ZNF701: variants seen among roughly 807,000 people sequenced by gnomAD.
ZNF701 encodes zinc finger protein 701.
In ZNF701, 6 loss-of-function variants were observed where a neutral mutation model predicts 7.1. That is an observed-to-expected ratio of 0.84 (90% CI 0.46 to 1.66). The LOEUF (loss-of-function observed/expected upper bound fraction) is 1.66. ZNF701 is among the 40% of genes most tolerant of loss of function. ZNF701 has a pLI of 0.01. For synonymous variants in ZNF701, 166 were observed against 188.2 expected, an observed-to-expected ratio of 0.88 and a Z score of 0.97; for missense variants, 541 against 559.2, an observed-to-expected ratio of 0.97 and a Z score of 0.33.
downstream of ZNF701, among the ~76,000 whole-genome samples, chr19:52,590,987 G>A (rs1266660982): frequency 6.6e-6 from 1 of 151,804 alleles, no homozygotes; most frequent in African/African-American, 2.4e-5. Context: ...CTACAGGCAC[G>A]CACCACCATG....
intron 3 of ZNF701, among the ~76,000 whole-genome samples, chr19:52,576,817 G>C (rs1257392471): frequency 6.6e-6 from 1 of 152,124 alleles, no homozygotes; most frequent in African/African-American, 2.4e-5. Flanking sequence ...TTTATAAGCA[G>C]GAGTCTCATG....
At position 52,582,467 on chromosome 19, in the gene ZNF701, T is replaced by C; in HGVS notation, c.408T>C (p.Ile136=). ...HDQRHAGNKP[I]KNELGSSFHS... is the part of the protein sequence containing the mutation. ...AAAGGCATGCTGGAAACAAACCTAT[T>C]AAAAATGAGCTTGGATCAAGCTTTC... Residue 136 remains isoleucine, a synonymous_variant, in exon 4 of 4, where the codon ATT becomes ATC. Transcript: ENST00000391785. The C allele has an allele frequency of 6.2e-7, 1 of 1,614,204 alleles. No individual in the cohort carries two copies. Among genetic ancestry groups the C allele is most frequent in the Non-Finnish European group, 8.5e-7 (1 of 1,180,036 alleles).
At chr19:52,589,751 T>C (rs1226521113), downstream of ZNF701, among the ~76,000 whole-genome samples, 2 of 152,196 alleles carry the variant, frequency 1.3e-5, no homozygotes, top group Admixed American at 6.6e-5. Context: ...AACAGGCTTT[T>C]CTATTCCTTT....
downstream of ZNF701, chr19:52,588,666 C>A: frequency 3.1e-6 from 1 of 323,020 alleles, no homozygotes; most frequent in South Asian, 3.3e-5. Flanking sequence ...TCTTAAATAC[C>A]AGGTATTGTG....
At position 52,582,684 on chromosome 19, in the gene ZNF701, C is replaced by A. The variant is rs1222469886; in HGVS notation, c.625C>A (p.His209Asn). ...SSLLTQKREV[H>N]TREKSFQRNE... Reference sequence around the variant, plus strand: ...ATTACTCACACAAAAACGGGAAGTACACACAAGAGAAAAATCTTTCCAACG... The same window carrying A: ...ATTACTCACACAAAAACGGGAAGTAAACACAAGAGAAAAATCTTTCCAACG... The change falls in exon 4 of 4, where the codon CAC becomes AAC. Residue 209 changes from histidine to asparagine, a missense_variant. By Grantham distance (68) the His-to-Asn change is moderately conservative. Coordinates refer to ENST00000391785, the MANE Select transcript of ZNF701 (RefSeq NM_018260.3). The A allele has an allele frequency of 6.2e-6, 10 of 1,614,080 alleles. No individual in the cohort carries two copies. The highest frequency in any genetic ancestry group is 8.5e-6 in the Non-Finnish European group (10 of 1,180,008).
In ZNF701 at chr19:52,584,945, G is replaced by A. The variant is rs1052295065; in HGVS notation, c.*1488G>A. On this transcript the variant is annotated 3_prime_UTR_variant, in exon 4 of 4. Coordinates refer to ENST00000391785, the MANE Select transcript of ZNF701 (RefSeq NM_018260.3). ...ATTGGCACAGACCCGGAAGCTGATG[G>A]CATGGACTGAAGGTTGCCCCGTTGA... The A allele has an allele frequency of 6.6e-6, 1 of 152,296 alleles. No individual in the cohort carries two copies. The highest frequency in any genetic ancestry group is 2.4e-5 in the African/African-American group (1 of 41,480). The allele number at this position is 152,296 out of a possible 1,614,324, so 9.4% of individuals were successfully genotyped here. A position where few individuals can be genotyped will look rare whatever the true frequency, so the allele number is the denominator to read the frequency against.
chr19:52,580,940 A>G (rs1452327419), intron 3 of ZNF701, among the ~76,000 whole-genome samples: 1 of 79,766 alleles, frequency 1.3e-5, no homozygotes, highest in African/African-American at 2.9e-5. Flanking sequence ...CCTGGCCAAT[A>G]TGGTGAAACC....
chr19:52,586,154 A>C lies in ZNF701; in HGVS notation c.*2697A>C, dbSNP rs2060010387. The C allele has an allele frequency of 2.0e-5, 3 of 152,010 alleles. No individual in the cohort carries two copies. The highest frequency in any genetic ancestry group is 4.4e-5 in the Non-Finnish European group (3 of 68,226). 9.4% of individuals were successfully genotyped at this position (152,010 alleles called of 1,614,324 possible). ...CCTCCTGGGCTCAAGGGATCCTCCCACCTCAGCCTGCAGAGTAGCTGGGAC... is the reference window on the plus strand; with the variant it reads ...CCTCCTGGGCTCAAGGGATCCTCCCCCCTCAGCCTGCAGAGTAGCTGGGAC... On this transcript the variant is annotated 3_prime_UTR_variant, in exon 4 of 4. Transcript: ENST00000391785.
chr19:52,591,502 GT>G (rs553583779), downstream of ZNF701, among the ~76,000 whole-genome samples: 114 of 151,940 alleles, frequency 7.5e-4, no homozygotes, highest in Non-Finnish European at 1.0e-3. Context: ...TAGTTTGTTT[GT>G]TTTTTGACAG....
At chr19:52,597,432 A>C in the ZNF701 span, 1 of 497,904 alleles carries the variant, frequency 2.0e-6, no homozygotes, top group African/African-American at 1.9e-5. Context: ...TTCCAAATAC[A>C]GTGACTATAG....
the ZNF701 span, among the ~76,000 whole-genome samples, chr19:52,593,734 C>T: frequency 1.8e-5 from 2 of 112,920 alleles, 1 homozygote; most frequent in Non-Finnish European, 3.8e-5. Context: ...GGCGGCCGGG[C>T]AGAGACGCTC....
chr19:52,592,177 G>A, the ZNF701 span: 1 of 1,556,018 alleles, frequency 6.4e-7, no homozygotes, highest in Non-Finnish European at 8.9e-7. Flanking sequence ...TGCACAGAGG[G>A]CTTTATACAG....
downstream of ZNF701, among the ~76,000 whole-genome samples, chr19:52,590,113 T>TG (rs1568510564): frequency 6.7e-6 from 1 of 149,972 alleles, no homozygotes; most frequent in Non-Finnish European, 1.5e-5. Flanking sequence ...TATTGTTTTT[T>TG]TTTTTTTGAG....
At position 52,578,318 on chromosome 19, in the gene ZNF701, C is replaced by G. The variant is rs972929379; in HGVS notation, c.142+2297C>G. Among the ~76,000 whole-genome samples, 5 of 150,816 alleles carry G rather than the reference C, an allele frequency of 3.3e-5. No individual in the cohort carries two copies. In the East Asian group the frequency reaches 7.8e-4, roughly 24 times the overall value. On this transcript the variant is annotated intron_variant, in intron 3 of 3. Transcript: ENST00000391785. ...AAAACGCTAACGTATGCTGCCTTCT[C>G]TCTCTGCTTTGGCTACCTAAAAGGC...
At chr19:52,588,098 C>T (rs1195169565), downstream of ZNF701, among the ~76,000 whole-genome samples, 1 of 152,192 alleles carries the variant, frequency 6.6e-6, no homozygotes, top group Non-Finnish European at 1.5e-5. Flanking sequence ...TCTGCATAAT[C>T]TCTGGTGCAG....
Position 52,583,429 on chromosome 19 carries a change from A to G in ZNF701, c.1370A>G (p.His457Arg), listed in dbSNP as rs1387111375. The change falls in exon 4 of 4, where the codon CAT (histidine) becomes CGT (arginine). Residue 457 changes from histidine to arginine, a missense_variant. Transcript: ENST00000391785. ...CGAAAATCAAACCTTGAACGTCATCATAGACTTCATACTGGAAAGAAATCT... is the reference window on the plus strand; with the variant it reads ...CGAAAATCAAACCTTGAACGTCATCGTAGACTTCATACTGGAAAGAAATCT... ...FNRKSNLERH[H>R]RLHTGKKS The G allele has an allele frequency of 6.2e-7, 1 of 1,613,452 alleles. No homozygotes were observed. The highest frequency in any genetic ancestry group is 1.1e-5 in the South Asian group (1 of 90,978).
intron 3 of ZNF701, among the ~76,000 whole-genome samples, chr19:52,579,520 CAAAAAA>C (rs34682718): frequency 8.3e-5 from 5 of 60,174 alleles, no homozygotes; most frequent in South Asian, 5.7e-4. Flanking sequence ...AACTCTGTCT[CAAAAAA>C]AAAAAAAAAA....
At position 52,582,708 on chromosome 19, in the gene ZNF701, C is replaced by T. The variant is rs148286783; in HGVS notation, c.649C>T (p.Arg217Cys). 75 of 1,613,958 alleles carry T rather than the reference C, an allele frequency of 4.6e-5. No homozygotes were observed. The highest frequency in any genetic ancestry group is 1.1e-4 in the African/African-American group (8 of 74,890). The change falls in exon 4 of 4, where the codon CGT becomes TGT. Residue 217 changes from arginine to cysteine, a missense_variant. Transcript: ENST00000391785. ...EVHTREKSFQRNESGKAFNGS... is the reference protein window; with the variant it reads ...EVHTREKSFQCNESGKAFNGS... ...ACACACAAGAGAAAAATCTTTCCAACGTAATGAGAGTGGCAAAGCCTTTAA... is the reference window on the plus strand; with the variant it reads ...ACACACAAGAGAAAAATCTTTCCAATGTAATGAGAGTGGCAAAGCCTTTAA...
Position 52,583,193 on chromosome 19 carries a change from A to T in ZNF701, c.1134A>T (p.Gly378=). ...HLAQHTVIHT[G]EKPYKCNECG... ...CACAACATACTGTAATTCACACTGG[A>T]GAGAAACCTTACAAGTGTAATGAGT... The change falls in exon 4 of 4, where the codon GGA becomes GGT. Residue 378 remains glycine, a synonymous_variant. Coordinates refer to ENST00000391785, the MANE Select transcript of ZNF701 (RefSeq NM_018260.3). 6.2e-7 allele frequency: 1 copy of T among 1,613,038 alleles called. No individual in the cohort carries two copies. The highest frequency in any genetic ancestry group is 8.5e-7 in the Non-Finnish European group (1 of 1,179,612).
Sources: allele counts gnomAD v4.1 joint callset (sites outside exome capture counted in the v4.1 genomes callset), GRCh38; gene constraint gnomAD v4.1.1; transcripts MANE v1.5; gene names NCBI Gene and HGNC (gene_info 2026-07-23, HGNC 2026-07-21).